POLR2F: variants seen among roughly 807,000 people sequenced by gnomAD.
POLR2F encodes RNA polymerase II, I and III subunit F, also known as DNA-directed RNA polymerases I, II, and III subunit RPABC2.
In POLR2F, 12 loss-of-function variants were observed where a neutral mutation model predicts 22.7. The ratio of observed to expected loss-of-function variants is 0.53; its 90% CI spans 0.34 to 0.86. POLR2F has a LOEUF of 0.86. Among genes scored for constraint, POLR2F ranks in the 40% least tolerant of loss-of-function variants. POLR2F has a pLI of 0.02. For synonymous variants in POLR2F, 57 were observed against 66.0 expected (o/e 0.86, Z 0.66); for missense variants, 126 against 171.5 (o/e 0.73, Z 1.48).
chr22:37,963,208 C>G (rs1298527348), intron 3 of POLR2F, among the ~76,000 whole-genome samples: 1 of 151,912 alleles, frequency 6.6e-6, no homozygotes, highest in Non-Finnish European at 1.5e-5. Context: ...CCAGGCTGGT[C>G]TTGAACTCCT....
Position 37,986,681 on chromosome 22 carries a change from T to C in POLR2F, c.120+369T>C, listed in dbSNP as rs1039192900. On this transcript the variant is annotated intron_variant, in intron 1 of 2. Transcript: ENST00000333418. This position sits in a 1 kb window ranked among gnomAD's most constrained non-coding sequence, Gnocchi z 4.7. ...TGCTGGGCTTTTTGCTGAGCAGTGT[T>C]GGGTGAGGCAGGTGGGCCTGCAGGG... The C allele has an allele frequency of 1.3e-5, 7 of 521,070 alleles. No individual in the cohort carries two copies. The highest frequency in any genetic ancestry group is 1.2e-4 in the African/African-American group (6 of 51,628). The allele number at this position is 521,070 out of a possible 1,614,324, so 32.3% of individuals were successfully genotyped here. A position where few individuals can be genotyped will look rare whatever the true frequency, so the allele number is the denominator to read the frequency against.
intron 2 of POLR2F, among the ~76,000 whole-genome samples, chr22:37,957,312 G>A (rs1931440420): frequency 6.6e-6 from 1 of 152,224 alleles, no homozygotes; most frequent in Admixed American, 6.5e-5. Flanking sequence ...CGAGTAAGGA[G>A]TGAACTGGGG....
downstream of POLR2F, among the ~76,000 whole-genome samples, chr22:37,971,612 A>G (rs1932054335): frequency 6.6e-6 from 1 of 151,888 alleles, no homozygotes; most frequent in Non-Finnish European, 1.5e-5. Context: ...GGACATGGGC[A>G]CCTGCTGTGA....
upstream of POLR2F, among the ~76,000 whole-genome samples, chr22:37,985,416 C>T (rs1014040417): frequency 6.6e-5 from 10 of 152,112 alleles, no homozygotes; most frequent in Non-Finnish European, 1.5e-4. Flanking sequence ...CCTCTTCCCT[C>T]CTCTGCCCAC....
In POLR2F at chr22:37,997,862, G is replaced by A. The variant is rs374806994; in HGVS notation, c.120+11550G>A. ...GGGGACAGGCAGGAGGTAAGGATGC[G>A]TCCGAGCCTCCCTAGGACACGACCC... On this transcript the variant is annotated intron_variant, in intron 1 of 2. Transcript: ENST00000333418. The surrounding 1 kb of genome is among the most constrained non-coding windows in gnomAD (Gnocchi z 4.4). Among the ~76,000 whole-genome samples the A allele has an allele frequency of 2.0e-5, 3 of 152,276 alleles. No individual in the cohort carries two copies. Among genetic ancestry groups the A allele is most frequent in the East Asian group, 3.9e-4 (2 of 5,176 alleles).
intron 1 of POLR2F, among the ~76,000 whole-genome samples, chr22:37,998,062 G>C (rs1275152138): frequency 6.6e-6 from 1 of 152,208 alleles, no homozygotes; most frequent in Non-Finnish European, 1.5e-5. Context: ...TGGGAAGTGG[G>C]AGTGGAGGGG....
chr22:37,983,197 T>C (rs932467107), upstream of POLR2F, among the ~76,000 whole-genome samples: 1 of 152,172 alleles, frequency 6.6e-6, no homozygotes, highest in Non-Finnish European at 1.5e-5. The surrounding 1 kb of genome is among the most constrained non-coding windows in gnomAD (Gnocchi z 9.5). Flanking sequence ...GTCCTTGTGA[T>C]GGAAGGGCGG....
Position 37,997,613 on chromosome 22 carries a change from G to A in POLR2F, c.120+11301G>A, listed in dbSNP as rs1207120604. Among the ~76,000 whole-genome samples the A allele has an allele frequency of 6.6e-6, 1 of 152,132 alleles. No homozygotes were observed. Among genetic ancestry groups the A allele is most frequent in the Non-Finnish European group, 1.5e-5 (1 of 68,018 alleles). On this transcript the variant is annotated intron_variant, in intron 1 of 2. Coordinates refer to the POLR2F transcript ENST00000333418. This position sits in a 1 kb window ranked among gnomAD's most constrained non-coding sequence, Gnocchi z 4.4. ...ACAAGTTAGAGAAGCCAAGGCTTGT[G>A]GCAACCTGCAGTCTTCCCCACCTGG...
chr22:38,017,709 C>T lies in POLR2F; in HGVS notation c.121-8160C>T, dbSNP rs1321746063. Among the ~76,000 whole-genome samples, 1 of 152,182 alleles carries T rather than the reference C, an allele frequency of 6.6e-6. No homozygotes were observed. The highest frequency in any genetic ancestry group is 2.4e-5 in the African/African-American group (1 of 41,444). ...CTGTAGGTCTCTCTGTAGCACCAGCCAAGAAGTCACCCGCCCCCGCTGGCA... is the reference window on the plus strand; with the variant it reads ...CTGTAGGTCTCTCTGTAGCACCAGCTAAGAAGTCACCCGCCCCCGCTGGCA... On this transcript the variant is annotated intron_variant, in intron 1 of 2. Coordinates refer to the POLR2F transcript ENST00000333418. This position sits in a 1 kb window ranked among gnomAD's most constrained non-coding sequence, Gnocchi z 4.1.
At chr22:37,981,255 G>T (rs1020037622), upstream of POLR2F, among the ~76,000 whole-genome samples, 2 of 152,234 alleles carry the variant, frequency 1.3e-5, no homozygotes, top group Admixed American at 6.5e-5. Flanking sequence ...GGTTTCAGGA[G>T]AAGCCCCTGG....
At chr22:37,969,804 G>T (rs1453718411), downstream of POLR2F, among the ~76,000 whole-genome samples, 1 of 152,168 alleles carries the variant, frequency 6.6e-6, no homozygotes, top group Admixed American at 6.5e-5. Flanking sequence ...CACTAGCATA[G>T]GGTGTCTAAG....
chr22:37,999,809 A>G (rs1383935943), intron 1 of POLR2F, among the ~76,000 whole-genome samples: 3 of 152,136 alleles, frequency 2.0e-5, no homozygotes, highest in Non-Finnish European at 4.4e-5. Context: ...CAGAGGTAAG[A>G]GAAGGTAACA....
At chr22:37,981,272 T>G (rs1193546057), upstream of POLR2F, among the ~76,000 whole-genome samples, 1 of 152,198 alleles carries the variant, frequency 6.6e-6, no homozygotes, top group Non-Finnish European at 1.5e-5. Flanking sequence ...CTGGAGCAAT[T>G]GGCCAGCCCA....
In POLR2F at chr22:37,954,165, T is replaced by TAAGC. The variant is rs200863486; in HGVS notation, c.20+368_20+371dup. The stretch of plus-strand genomic sequence containing the variant: ...AGAAAAGGGGTCACAGGCCCATAAG[T>TAAGC]AAGCAAGCAAGCAGGTAACGGTGGT... On this transcript the variant is annotated intron_variant, in intron 1 of 4. Coordinates refer to ENST00000442738, the MANE Select transcript of POLR2F (RefSeq NM_021974.5). Among the ~76,000 whole-genome samples, 275 of 152,108 alleles carry TAAGC rather than the reference T, an allele frequency of 1.8e-3. 3 individuals are homozygous for TAAGC. The highest frequency in any genetic ancestry group is 5.1e-3 in the African/African-American group (210 of 41,516).
At chr22:38,038,173 G>A (rs2085134672) in intron 5 of POLR2F, among the ~76,000 whole-genome samples, 2 of 152,172 alleles carry the variant, frequency 1.3e-5, no homozygotes, top group Non-Finnish European at 2.9e-5. Flanking sequence ...TAGGAAAAAC[G>A]TCCTGAAAGG....
chr22:38,031,138 C>T (rs1438650658), downstream of POLR2F, among the ~76,000 whole-genome samples: 4 of 152,116 alleles, frequency 2.6e-5, no homozygotes, highest in East Asian at 7.7e-4. This position sits in a 1 kb window ranked among gnomAD's most constrained non-coding sequence, Gnocchi z 4.1. Context: ...CAGGCCTCAG[C>T]TCCAGCACAC....
chr22:38,041,021 A>G (rs750672724), intron 5 of POLR2F: 5 of 1,612,280 alleles, frequency 3.1e-6, no homozygotes, highest in African/African-American at 1.3e-5. Context: ...CATCCTCAAC[A>G]CAGTGAAGGA....
At chr22:37,954,305 ATT>A (rs764720173) in intron 1 of POLR2F, among the ~76,000 whole-genome samples, 8 of 143,876 alleles carry the variant, frequency 5.6e-5, no homozygotes, top group Admixed American at 7.0e-5. Context: ...CTTTGCAGTA[ATT>A]TTTTTTTTTT....
intron 1 of POLR2F, among the ~76,000 whole-genome samples, chr22:38,009,969 G>A (rs1367296124): frequency 1.3e-5 from 2 of 152,142 alleles, no homozygotes; most frequent in African/African-American, 4.8e-5. Flanking sequence ...TACAAATAAA[G>A]CTCCTATGAA....
Sources: allele counts gnomAD v4.1 joint callset (sites outside exome capture counted in the v4.1 genomes callset), GRCh38; gene constraint gnomAD v4.1.1; non-coding constraint Gnocchi (gnomAD v3.1); transcripts MANE v1.5; gene names NCBI Gene and HGNC (gene_info 2026-07-23, HGNC 2026-07-21).